EPRS1: variants seen among roughly 807,000 people sequenced by gnomAD.
The protein encoded by EPRS1 is glutamyl-prolyl-tRNA synthetase 1.
In EPRS1, 107 loss-of-function variants were observed where a neutral mutation model predicts 188.3. The ratio of observed to expected loss-of-function variants is 0.57; its 90% confidence interval spans 0.49 to 0.67. The LOEUF is 0.67. Ranked by LOEUF, EPRS1 falls within the 30% of genes least tolerant of loss-of-function variation. EPRS1 has a pLI of 0.00. For synonymous variants in EPRS1, 596 were observed against 593.1 expected, an observed-to-expected ratio of 1.00 and a Z score of -0.07; for missense variants, 1,577 against 1,802.2, an observed-to-expected ratio of 0.88 and a Z score of 2.26.
intron 21 of EPRS1, among the ~76,000 whole-genome samples, chr1:219,983,763 T>G (rs1660947354): frequency 6.6e-6 from 1 of 151,868 alleles, no homozygotes. Flanking sequence ...CGTGGTAGCG[T>G]GTGCCTGTAG....
chr1:220,035,417 G>T (rs983815261), intron 2 of EPRS1, among the ~76,000 whole-genome samples: 8 of 152,170 alleles, frequency 5.3e-5, no homozygotes. Context: ...CTCCCAAAGT[G>T]CTGGGATTAG....
At chr1:219,983,147 G>T in intron 22 of EPRS1, 42 bp downstream of exon 22, 1 of 1,461,242 alleles carries the variant, frequency 6.8e-7, no homozygotes, top group Non-Finnish European at 9.4e-7. Flanking sequence ...TTTCCAGTTT[G>T]TCAGAGAACA....
Position 220,044,681 on chromosome 1 carries a change from C to CAAAAA in EPRS1, c.46+1657_46+1661dup, listed in dbSNP as rs71560597. Reference sequence around the variant, plus strand: ...CAGAGGTTGCAATGAGCTCGGTCTCCAAAAAAAAAAAAAAAAAAAAAAAAA... The same window carrying CAAAAA: ...CAGAGGTTGCAATGAGCTCGGTCTCCAAAAAAAAAAAAAAAAAAAAAAAAAAAAAA... On this transcript the variant is annotated intron_variant, in intron 1 of 31. Transcript: ENST00000366923. Among the ~76,000 whole-genome samples the CAAAAA allele has an allele frequency of 2.5e-3, 220 of 88,316 alleles. 14 individuals are homozygous for CAAAAA. Among genetic ancestry groups the CAAAAA allele is most frequent in the African/African-American group, 6.0e-3 (144 of 24,096 alleles). 57.9% of individuals were successfully genotyped at this position (88,316 alleles called of 152,430 possible). A position where few individuals can be genotyped will look rare whatever the true frequency, so the allele number is the denominator to read the frequency against.
At chr1:220,017,169 TGCCATTGCACTCCACC>T (rs1661736312) in intron 12 of EPRS1, among the ~76,000 whole-genome samples, 1 of 151,998 alleles carries the variant, frequency 6.6e-6, no homozygotes, top group Non-Finnish European at 1.5e-5. Context: ...GCCTAGACTG[TGCCATTGCACTCCACC>T]GTGGGCGACA....
At chr1:219,999,069 C>G (rs768479708) in intron 17 of EPRS1, among the ~76,000 whole-genome samples, 2 of 151,838 alleles carry the variant, frequency 1.3e-5, no homozygotes, top group Non-Finnish European at 2.9e-5. Flanking sequence ...AAGAAAAACC[C>G]AAAAACCTTT....
intron 18 of EPRS1, 126 bp downstream of exon 18, chr1:219,996,857 A>G (rs1661244625): frequency 9.6e-7 from 1 of 1,037,780 alleles, no homozygotes; most frequent in Admixed American, 2.4e-5. Context: ...CATAGCAGGT[A>G]TCAATCAATG....
At position 219,983,264 on chromosome 1, in the gene EPRS1, G is replaced by A. The variant is rs1326974397; in HGVS notation, c.3225C>T (p.Asn1075=). Residue 1075 remains asparagine, a synonymous_variant, in exon 22 of 32, where the codon AAC becomes AAT. Coordinates refer to ENST00000366923, the MANE Select transcript of EPRS1 (RefSeq NM_004446.3). ...DAEIKKLGVE[N]CYFPMFVSQS... ...GAGACACAAACATGGGGAAGTAGCA[G>A]TTTTCAACACCAAGTTTCTTGATCT... 2 of 1,613,974 alleles carry A rather than the reference G, an allele frequency of 1.2e-6. No homozygotes were observed. Among genetic ancestry groups the A allele is most frequent in the Non-Finnish European group, 8.5e-7 (1 of 1,179,968 alleles).
rs192838221 is a variant in EPRS1, at chr1:220,013,356, G to A, written c.1495-2300C>T. 1.8e-4 allele frequency among the ~76,000 whole-genome samples: 28 copies of A among 152,194 alleles called. No individual in the cohort carries two copies. The East Asian group carries it at 2.7e-3, about 15-fold the overall frequency. On this transcript the variant is annotated intron_variant, in intron 12 of 31. Transcript: ENST00000366923. ...AGAAAACAAGGATCACGGTATTGTC[G>A]AAGGGATATTGAGATAACTAATCAC...
At chr1:220,040,105 G>A in intron 2 of EPRS1, 80 bp downstream of exon 2, 2 of 894,398 alleles carry the variant, frequency 2.2e-6, no homozygotes, top group South Asian at 1.6e-5. Flanking sequence ...GGGCAAAAGA[G>A]GGAGACTCTG....
intron 11 of EPRS1, 82 bp from the exon 12 acceptor site, chr1:220,018,590 G>GGAAA: frequency 1.6e-6 from 1 of 615,322 alleles, no homozygotes; most frequent in South Asian, 1.9e-5. Flanking sequence ...AGCATGTTTA[G>GGAAA]AAAAAAAAAA....
rs1310497590 is a variant in EPRS1, at chr1:219,987,046, T to C, written c.3038+96A>G. The C allele has an allele frequency of 3.9e-6, 5 of 1,285,040 alleles. No individual in the cohort carries two copies. The East Asian group carries it at 7.0e-5, about 18-fold the overall frequency. 79.6% of individuals were successfully genotyped at this position (1,285,040 alleles called of 1,614,324 possible). On this transcript the variant is annotated intron_variant, in intron 20 of 31. Coordinates refer to ENST00000366923, the MANE Select transcript of EPRS1 (RefSeq NM_004446.3). ...GTAGCTTTAGCGTTCTCTAACTTAA[T>C]GTGATGGTTAAACCAGTCAAAATTT...
At chr1:219,969,528 T>C (rs1052477733) in intron 30 of EPRS1, among the ~76,000 whole-genome samples, 3 of 152,168 alleles carry the variant, frequency 2.0e-5, no homozygotes, top group Non-Finnish European at 4.4e-5. Context: ...AGCAAACTGA[T>C]TTTTAATGTG....
chr1:219,992,167 G>C (rs1188952019), intron 18 of EPRS1, among the ~76,000 whole-genome samples: 1 of 152,182 alleles, frequency 6.6e-6, no homozygotes, highest in Non-Finnish European at 1.5e-5. Flanking sequence ...AGGGTACAGG[G>C]ATGTATGTCC....
chr1:220,024,080 A>G (rs1434524953), intron 8 of EPRS1, among the ~76,000 whole-genome samples, 184 bp downstream of exon 8: 1 of 152,212 alleles, frequency 6.6e-6, no homozygotes, highest in Non-Finnish European at 1.5e-5. Flanking sequence ...TGAACCTGGG[A>G]GGCGGAGGTT....
Position 220,020,194 on chromosome 1 carries a change from G to A in EPRS1, c.1143C>T (p.Cys381=). The change falls in exon 10 of 32, where the codon TGC becomes TGT. Residue 381 remains cysteine (C), a synonymous_variant. Coordinates refer to ENST00000366923, the MANE Select transcript of EPRS1 (RefSeq NM_004446.3). ...YNVYPTYDFA[C]PIVDSIEGVT... ...CACCTTCGATGCTGTCAACTATGGG[G>A]CAGGCAAAATCATATGTTGGATAAA... is the stretch of plus-strand genomic sequence containing the variant. 1 of 1,612,272 alleles carries A rather than the reference G, an allele frequency of 6.2e-7. No individual in the cohort carries two copies. The highest frequency in any genetic ancestry group is 1.1e-5 in the South Asian group (1 of 90,772).
chr1:219,975,719 G>A (rs1211934597), intron 28 of EPRS1, among the ~76,000 whole-genome samples: 1 of 152,170 alleles, frequency 6.6e-6, no homozygotes, highest in Non-Finnish European at 1.5e-5. Context: ...TTATAGGCAT[G>A]AGCCACCACG....
chr1:219,979,364 T>G, intron 27 of EPRS1, 54 bp downstream of exon 27: 1 of 1,369,562 alleles, frequency 7.3e-7, no homozygotes. Flanking sequence ...TTTCCTTTAG[T>G]AAATATGGCT....
chr1:220,033,673 G>C lies in EPRS1; in HGVS notation c.232-15C>G. On this transcript the variant is annotated splice_polypyrimidine_tract_variant and intron_variant, in intron 3 of 31. Transcript: ENST00000366923. ...CAGTGATCAATCTGTCAACATAAAAGACAGAAAAGAAATGCATTCCAACAT... is the reference window on the plus strand; with the variant it reads ...CAGTGATCAATCTGTCAACATAAAACACAGAAAAGAAATGCATTCCAACAT... 1 of 1,584,046 alleles carries C rather than the reference G, an allele frequency of 6.3e-7. No individual in the cohort carries two copies. Among genetic ancestry groups the C allele is most frequent in the Non-Finnish European group, 8.6e-7 (1 of 1,162,430 alleles).
At chr1:220,028,192 C>T (rs940959371) in intron 6 of EPRS1, among the ~76,000 whole-genome samples, 1 of 151,988 alleles carries the variant, frequency 6.6e-6, no homozygotes, top group Non-Finnish European at 1.5e-5. Flanking sequence ...AACTTGAGGG[C>T]GTTGCACCCA....
Sources: gnomAD v4.1 joint callset for allele counts (sites outside exome capture counted in the v4.1 genomes callset) on GRCh38, gnomAD v4.1.1 for gene constraint, MANE v1.5 for transcripts, NCBI Gene and HGNC (gene_info 2026-07-23, HGNC 2026-07-21) for gene names.